The following REPS2 variants were observed in gnomAD, a reference collection of about 807,000 sequenced individuals.
The protein encoded by REPS2 is ralBP1-associated Eps domain-containing protein 2.
A neutral mutation model predicts 53.6 loss-of-function variants in REPS2; 23 were observed. That is an observed-to-expected ratio of 0.43 (90% CI 0.31 to 0.61). The LOEUF is 0.61. REPS2 is among the 20% of genes least tolerant of loss of function. The pLI is 0.11. For missense variants in REPS2, 446 were observed against 534.9 expected, an observed-to-expected ratio of 0.83 and a Z score of 1.64; for synonymous variants, 238 against 218.6, an observed-to-expected ratio of 1.09 and a Z score of -0.78.
chrX:17,031,362 G>A (rs971921326), intron 5 of REPS2, among the ~76,000 whole-genome samples: 1 of 111,886 alleles, frequency 8.9e-6, no homozygotes, highest in African/African-American at 3.3e-5. Context: ...GCTGGCATGG[G>A]CATGGATGCT....
Position 17,147,982 on chromosome X carries a change from AAAAT to A in REPS2, c.*505_*508del, listed in dbSNP as rs2063532918. ...TGTGACCATAATAAAAACAAAAGCT[AAAAT>A]AAAAGCATCAGATTTAGACTGGCGC... On this transcript the variant is annotated 3_prime_UTR_variant, in exon 18 of 18. Transcript: ENST00000357277. 2 of 112,699 alleles carry A rather than the reference AAAAT, an allele frequency of 1.8e-5. No homozygotes were observed. Among genetic ancestry groups the A allele is most frequent in the Non-Finnish European group, 3.7e-5 (2 of 53,442 alleles). 9.3% of individuals were successfully genotyped at this position (112,699 alleles called of 1,213,427 possible). A position where few individuals can be genotyped will look rare whatever the true frequency, so the allele number is the denominator to read the frequency against.
chrX:16,952,412 A>G (rs1446396913), intron 1 of REPS2, among the ~76,000 whole-genome samples: 1 of 111,742 alleles, frequency 8.9e-6, no homozygotes, highest in Non-Finnish European at 1.9e-5. Flanking sequence ...GTGATAGTTA[A>G]TTCTTGGACA....
chrX:16,961,691 C>A (rs2060663429), intron 1 of REPS2, among the ~76,000 whole-genome samples: 1 of 111,721 alleles, frequency 9.0e-6, no homozygotes, highest in South Asian at 3.7e-4. Context: ...GAACAATCCG[C>A]AAATAAAAGG....
chrX:17,177,626 C>G, the REPS2 span, among the ~76,000 whole-genome samples: 2 of 111,395 alleles, frequency 1.8e-5, no homozygotes, highest in South Asian at 7.6e-4. Flanking sequence ...CTTTTCTGCT[C>G]CCCTCCAATC....
intron 2 of REPS2, among the ~76,000 whole-genome samples, chrX:17,018,701 G>T (rs1235093068): frequency 9.2e-6 from 1 of 108,408 alleles, no homozygotes; most frequent in African/African-American, 3.4e-5. Flanking sequence ...TGAGTTCTCT[G>T]CCCAGCACCC....
At chrX:17,177,401 G>C in the REPS2 span, among the ~76,000 whole-genome samples, 1 of 111,985 alleles carries the variant, frequency 8.9e-6, no homozygotes, top group Admixed American at 9.5e-5. Flanking sequence ...GCTACTTTCA[G>C]TAGCTTCCAG....
At chrX:16,950,064 A>ATT (rs765500800) in intron 1 of REPS2, among the ~76,000 whole-genome samples, 1 of 96,622 alleles carries the variant, frequency 1.0e-5, no homozygotes, top group Non-Finnish European at 2.1e-5. Context: ...GCAATCACTG[A>ATT]TTTTTTTTTT....
chrX:16,962,046 T>C (rs2060668781), intron 1 of REPS2, among the ~76,000 whole-genome samples: 2 of 111,418 alleles, frequency 1.8e-5, no homozygotes, highest in Admixed American at 1.9e-4. Context: ...GGAATGTAGA[T>C]TGGTACAGCC....
chrX:17,070,541 C>T (rs748377803), intron 11 of REPS2, among the ~76,000 whole-genome samples: 8 of 111,735 alleles, frequency 7.2e-5, no homozygotes, highest in Non-Finnish European at 1.3e-4. Flanking sequence ...AATGGCTGCC[C>T]CTGTGTCCGC....
intron 17 of REPS2, among the ~76,000 whole-genome samples, chrX:17,144,574 A>G (rs1263468598): frequency 8.9e-6 from 1 of 112,415 alleles, no homozygotes; most frequent in Non-Finnish European, 1.9e-5. Context: ...AGTGAACAGA[A>G]GTCTGAAGAA....
intron 17 of REPS2, among the ~76,000 whole-genome samples, chrX:17,142,974 A>T (rs1032492292): frequency 8.9e-6 from 1 of 112,793 alleles, no homozygotes; most frequent in African/African-American, 3.2e-5. Flanking sequence ...GGATACATTC[A>T]TACAATGGAA....
chrX:17,056,780 T>C (rs1441121658), intron 8 of REPS2, among the ~76,000 whole-genome samples: 2 of 112,168 alleles, frequency 1.8e-5, no homozygotes, highest in African/African-American at 6.5e-5. Context: ...TTTGTATATG[T>C]ATACACCCAT....
intron 13 of REPS2, among the ~76,000 whole-genome samples, chrX:17,096,575 G>A (rs1267014949): frequency 1.1e-5 from 1 of 92,216 alleles, no homozygotes; most frequent in Non-Finnish European, 2.1e-5. Flanking sequence ...CAGGAGAATG[G>A]CGTGAACCCG....
At chrX:17,124,255 C>T (rs1261295915) in intron 14 of REPS2, among the ~76,000 whole-genome samples, 1 of 112,299 alleles carries the variant, frequency 8.9e-6, no homozygotes, top group Non-Finnish European at 1.9e-5. Context: ...GGGTTCATTG[C>T]TGGCTTATTC....
chrX:16,958,953 G>T (rs1196593548), intron 1 of REPS2, among the ~76,000 whole-genome samples: 2 of 112,173 alleles, frequency 1.8e-5, no homozygotes, highest in African/African-American at 6.5e-5. Flanking sequence ...GTGAAAAAGA[G>T]CCTGGGGATA....
At chrX:16,962,694 A>G (rs188483221) in intron 1 of REPS2, among the ~76,000 whole-genome samples, 130 of 112,115 alleles carry the variant, frequency 1.2e-3, no homozygotes, top group Middle Eastern at 4.6e-3. Flanking sequence ...GTAACTATGG[A>G]AGGTGATGAG....
intron 1 of REPS2, among the ~76,000 whole-genome samples, chrX:16,961,234 C>G (rs1202190378): frequency 9.0e-6 from 1 of 111,531 alleles, no homozygotes; most frequent in Non-Finnish European, 1.9e-5. Context: ...GATAGTATAT[C>G]CTGGCATAAA....
chrX:16,973,866 T>A (rs1374928885), intron 1 of REPS2, among the ~76,000 whole-genome samples: 1 of 111,242 alleles, frequency 9.0e-6, no homozygotes, highest in Non-Finnish European at 1.9e-5. Context: ...ACATACATCA[T>A]GTTCTTCTAT....
chrX:16,986,882 G>T (rs1014520569), intron 1 of REPS2, among the ~76,000 whole-genome samples: 7 of 108,122 alleles, frequency 6.5e-5, no homozygotes, highest in African/African-American at 2.3e-4. Flanking sequence ...GGGGATGGAT[G>T]ATTTGGAACT....
Sources: allele counts gnomAD v4.1 joint callset (sites outside exome capture counted in the v4.1 genomes callset), GRCh38; gene constraint gnomAD v4.1.1; transcripts MANE v1.5; gene names NCBI Gene and HGNC (gene_info 2026-07-23, HGNC 2026-07-21).